The following PTK2 variants were observed in gnomAD, a reference collection of about 807,000 sequenced individuals.
The protein encoded by PTK2 is protein tyrosine kinase 2.
PTK2 carries 45 observed loss-of-function variants against 150.1 expected under a neutral mutation model. That is an observed-to-expected ratio of 0.30 (90% confidence interval 0.24 to 0.38). The LOEUF is 0.38. Ranked by LOEUF, PTK2 falls within the 10% of genes least tolerant of loss-of-function variation. The probability of loss-of-function intolerance (pLI) is 1.00; values close to 1 mark genes in which losing one functional copy is unlikely to be tolerated. For synonymous variants in PTK2, 432 were observed against 449.2 expected (o/e 0.96, Z 0.48); for missense variants, 919 against 1,307.3 (o/e 0.70, Z 4.58).
intron 26 of PTK2, chr8:140,700,627 G>A (rs2100029677): frequency 3.7e-6 from 1 of 273,804 alleles, no homozygotes; most frequent in South Asian, 4.2e-5. Flanking sequence ...GGGATTACAG[G>A]CATGCACCCG....
intron 2 of PTK2, among the ~76,000 whole-genome samples, chr8:140,917,644 G>A (rs1387863473): frequency 6.6e-6 from 1 of 152,036 alleles, no homozygotes; most frequent in Non-Finnish European, 1.5e-5. Flanking sequence ...TTTTAGCTCT[G>A]AAAGAGCCTT....
At chr8:140,748,260 G>A (rs1415455712) in intron 17 of PTK2, among the ~76,000 whole-genome samples, 4 of 152,068 alleles carry the variant, frequency 2.6e-5, no homozygotes, top group South Asian at 2.1e-4. Context: ...TTGGGAGGCC[G>A]AGGTGGGCCG....
At chr8:140,982,820 G>A (rs1247174644) in intron 1 of PTK2, among the ~76,000 whole-genome samples, 2 of 152,174 alleles carry the variant, frequency 1.3e-5, no homozygotes, top group African/African-American at 4.8e-5. Context: ...TACCTTTAAA[G>A]AGTTAACAAT....
chr8:140,742,657 T>A lies in PTK2; in HGVS notation c.1735+573A>T, dbSNP rs2100056419. Among the ~76,000 whole-genome samples the A allele has an allele frequency of 4.6e-5, 7 of 152,228 alleles. 1 individual carries two copies. The South Asian group carries it at 1.4e-3, about 31-fold the overall frequency. ...CTTATGTGCAATCCATATATCCTCT[T>A]CAATGAAATGTCTCTTCCTATTTTT... On this transcript the variant is annotated intron_variant, in intron 20 of 31. Coordinates refer to ENST00000522684, the Ensembl canonical transcript of PTK2.
intron 17 of PTK2, chr8:140,747,169 C>T (rs1203605991): frequency 1.3e-5 from 3 of 223,598 alleles, no homozygotes; most frequent in African/African-American, 4.7e-5. Context: ...GGATTACAGG[C>T]GTGAGCCACC....
intron 27 of PTK2, among the ~76,000 whole-genome samples, chr8:140,679,300 C>T (rs758991968): frequency 6.6e-6 from 1 of 151,956 alleles, no homozygotes; most frequent in Admixed American, 6.6e-5. Context: ...ACTGTGATTA[C>T]AGGCGTGAGC....
At chr8:140,700,910 T>C in exon 26 of PTK2, 3 of 1,613,824 alleles carry the variant, frequency 1.9e-6, no homozygotes, top group Non-Finnish European at 2.5e-6. Context: ...TTCCTCTTTT[T>C]CCAGCCAGCG....
At chr8:140,909,669 A>C (rs1445311692) in intron 2 of PTK2, 4 of 152,232 alleles carry the variant, frequency 2.6e-5, no homozygotes. Context: ...TTACCAAGAT[A>C]CATGAAACAA....
At chr8:140,668,419 C>A in exon 30 of PTK2, 1 of 1,609,034 alleles carries the variant, frequency 6.2e-7, no homozygotes, top group Non-Finnish European at 8.5e-7. Context: ...TTTCCTGGGG[C>A]TGAAGCTGAC....
At chr8:140,691,404 T>C (rs1327895329) in intron 26 of PTK2, among the ~76,000 whole-genome samples, 2 of 152,226 alleles carry the variant, frequency 1.3e-5, no homozygotes, top group Admixed American at 1.3e-4. Flanking sequence ...TCTCTCACTG[T>C]ACCCTAACAC....
At chr8:140,977,577 G>C (rs1179634483) in intron 1 of PTK2, among the ~76,000 whole-genome samples, 3 of 149,396 alleles carry the variant, frequency 2.0e-5, no homozygotes, top group Non-Finnish European at 4.4e-5. Context: ...AGACGAGACA[G>C]CACCACTCCC....
At chr8:140,917,263 C>A (rs1201386653) in intron 2 of PTK2, among the ~76,000 whole-genome samples, 2 of 151,520 alleles carry the variant, frequency 1.3e-5, no homozygotes, top group Non-Finnish European at 2.9e-5. Flanking sequence ...TGGTGGTGCA[C>A]GTTTGTAATC....
At position 140,675,798 on chromosome 8, in the gene PTK2, T is replaced by C. The variant is rs111280224; in HGVS notation, c.2563-299A>G. 433 of 249,002 alleles carry C rather than the reference T, an allele frequency of 1.7e-3. 7 individuals are homozygous for C. Among genetic ancestry groups the C allele is most frequent in the African/African-American group, 8.8e-3 (398 of 44,978 alleles). The allele number at this position is 249,002 out of a possible 1,614,324, so 15.4% of individuals were successfully genotyped here. A position where few individuals can be genotyped will look rare whatever the true frequency, so the allele number is the denominator to read the frequency against. ...TGTTCTTACACAGCTGAGGAGAATG[T>C]AAATTAGTACAACCTCTATGGAAAA... On this transcript the variant is annotated intron_variant, in intron 27 of 31. Transcript: ENST00000522684.
chr8:140,864,042 T>C (rs543163801), intron 5 of PTK2, among the ~76,000 whole-genome samples: 125 of 152,324 alleles, frequency 8.2e-4, no homozygotes, highest in Admixed American at 2.1e-3. Flanking sequence ...GGCATAATAA[T>C]TGTATTTAAA....
At chr8:140,718,374 G>A (rs984071822) in intron 22 of PTK2, 4 of 152,238 alleles carry the variant, frequency 2.6e-5, no homozygotes, top group African/African-American at 9.6e-5. Flanking sequence ...AGCCGCTGCA[G>A]CGACTGCTAG....
rs777080665 is a variant in PTK2 at position 140,701,062 on chromosome 8, G to A, written c.2368-40C>T. The A allele has an allele frequency of 1.9e-6, 3 of 1,593,408 alleles. No individual in the cohort carries two copies. The African/African-American group carries it at 4.0e-5, about 21-fold the overall frequency. ...GAAAACAGCATATTCAGTCTCATAA[G>A]TCTATTCCTATGCTCTTACCTTGTT... On this transcript the variant is annotated intron_variant, in intron 25 of 31. Transcript: ENST00000522684.
At chr8:140,990,823 G>C (rs1463481538) in intron 1 of PTK2, among the ~76,000 whole-genome samples, 1 of 152,010 alleles carries the variant, frequency 6.6e-6, no homozygotes, top group Non-Finnish European at 1.5e-5. Flanking sequence ...TCAGATATTT[G>C]ATCTTTCCTG....
chr8:140,667,922 A>G (rs1305384835), intron 30 of PTK2, among the ~76,000 whole-genome samples: 1 of 152,168 alleles, frequency 6.6e-6, no homozygotes, highest in Non-Finnish European at 1.5e-5. Context: ...ATTATTTTGC[A>G]TGTTTTTCAA....
chr8:140,983,425 T>C (rs1040038292), intron 1 of PTK2, among the ~76,000 whole-genome samples: 4 of 149,866 alleles, frequency 2.7e-5, no homozygotes, highest in African/African-American at 7.4e-5. Context: ...CTTTCATCAA[T>C]GATCTGAGAA....
Sources: allele counts gnomAD v4.1 joint callset (sites outside exome capture counted in the v4.1 genomes callset), GRCh38; gene constraint gnomAD v4.1.1; transcripts MANE v1.5; gene names NCBI Gene and HGNC (gene_info 2026-07-23, HGNC 2026-07-21).